ADAMTS2: variants seen among roughly 807,000 people sequenced by gnomAD.
ADAMTS2 encodes ADAM metallopeptidase with thrombospondin type 1 motif 2, also known as A disintegrin and metalloproteinase with thrombospondin motifs 2.
A neutral mutation model predicts 123.0 loss-of-function variants in ADAMTS2; 50 were observed. The ratio of observed to expected loss-of-function variants is 0.41; its 90% confidence interval spans 0.32 to 0.51. ADAMTS2 has a LOEUF of 0.51. ADAMTS2 is among the 20% of genes least tolerant of loss of function. ADAMTS2 has a pLI of 0.35. For synonymous variants in ADAMTS2, 678 were observed against 695.4 expected, an observed-to-expected ratio of 0.98 and a Z score of 0.39; for missense variants, 1,494 against 1,705.2, an observed-to-expected ratio of 0.88 and a Z score of 2.18.
chr5:179,139,119 C>A (rs923109674), intron 11 of ADAMTS2, among the ~76,000 whole-genome samples: 3 of 152,160 alleles, frequency 2.0e-5, no homozygotes, highest in African/African-American at 7.2e-5. Context: ...GGCGTAAGAG[C>A]CCGCTGCGCA....
chr5:179,212,981 AGG>A (rs1483467137), intron 3 of ADAMTS2, among the ~76,000 whole-genome samples: 2 of 152,122 alleles, frequency 1.3e-5, no homozygotes, highest in Non-Finnish European at 2.9e-5. Context: ...CCCAGAAGGA[AGG>A]GAGCCCGCTG....
chr5:179,200,032 C>A (rs1037535071), intron 4 of ADAMTS2, among the ~76,000 whole-genome samples: 1 of 152,120 alleles, frequency 6.6e-6, no homozygotes, highest in Admixed American at 6.5e-5. Flanking sequence ...TTGTATGGCA[C>A]CTTCCTCTGC....
chr5:179,167,958 A>T (rs116143375), intron 5 of ADAMTS2, among the ~76,000 whole-genome samples: 1 of 152,280 alleles, frequency 6.6e-6, no homozygotes, highest in South Asian at 2.1e-4. Context: ...CATGCCCCCA[A>T]GGGGATGCGG....
intron 4 of ADAMTS2, among the ~76,000 whole-genome samples, chr5:179,182,360 C>T (rs770412215): frequency 2.8e-4 from 43 of 152,176 alleles, no homozygotes; most frequent in Non-Finnish European, 3.8e-4. Flanking sequence ...CGGACATGGC[C>T]AAGACATACT....
intron 2 of ADAMTS2, among the ~76,000 whole-genome samples, chr5:179,319,138 T>A (rs1015460419): frequency 1.3e-5 from 2 of 151,972 alleles, no homozygotes; most frequent in Admixed American, 1.3e-4. Context: ...TCCATACGCA[T>A]CACATGCACC....
At chr5:179,297,523 C>T (rs1352921044) in intron 2 of ADAMTS2, among the ~76,000 whole-genome samples, 4 of 152,114 alleles carry the variant, frequency 2.6e-5, no homozygotes, top group Admixed American at 2.0e-4. Flanking sequence ...ACAGCCTGCC[C>T]CTTTCTCTTG....
At chr5:179,335,590 C>T (rs1416245609) in intron 2 of ADAMTS2, among the ~76,000 whole-genome samples, 1 of 152,166 alleles carries the variant, frequency 6.6e-6, no homozygotes, top group Non-Finnish European at 1.5e-5. Flanking sequence ...TACTGCTTAA[C>T]CTGAGGTTTC....
rs545409845 is a variant in ADAMTS2, at chr5:179,114,106, G to A, written c.3397C>T (p.Arg1133Trp). Residue 1133 changes from arginine to tryptophan, a missense_variant, in exon 22 of 22, where the codon CGG becomes TGG. Physicochemically the swap from Arg to Trp is moderately radical, Grantham distance 101 (BLOSUM62 -3). Coordinates refer to ENST00000251582, the MANE Select transcript of ADAMTS2 (RefSeq NM_014244.5). The stretch of plus-strand genomic sequence containing the variant: ...TCCAGGGGGGTGCTTGGTGATGGCC[G>A]CACCTCCATGGCTACAGTGGGCACT... ...LPVPTVAMEV[R>W]PSPSTPLEVP... 43 of 1,614,034 alleles carry A rather than the reference G, an allele frequency of 2.7e-5. No individual in the cohort carries two copies. Among genetic ancestry groups the A allele is most frequent in the South Asian group, 1.2e-4 (11 of 91,074 alleles).
chr5:179,247,739 GA>G (rs899009583), intron 3 of ADAMTS2, among the ~76,000 whole-genome samples: 2 of 152,034 alleles, frequency 1.3e-5, no homozygotes, highest in Non-Finnish European at 2.9e-5. Flanking sequence ...TTAAGGTGCT[GA>G]AAAAAATACT....
At chr5:179,207,471 A>ACCCGGCCCCCCC in intron 4 of ADAMTS2, 42 bp downstream of exon 4, 1 of 1,026,470 alleles carries the variant, frequency 9.7e-7, no homozygotes. Flanking sequence ...CCCCTGGTTG[A>ACCCGGCCCCCCC]CCCTCCCCGC....
At chr5:179,269,673 T>G (rs1766476546) in intron 3 of ADAMTS2, among the ~76,000 whole-genome samples, 1 of 152,104 alleles carries the variant, frequency 6.6e-6, no homozygotes, top group African/African-American at 2.4e-5. Flanking sequence ...TCCTATTGTT[T>G]CAAGCTCCGT....
chr5:179,151,095 C>A, intron 10 of ADAMTS2: 1 of 359,622 alleles, frequency 2.8e-6, no homozygotes, highest in African/African-American at 2.1e-5. Flanking sequence ...CGGGATTTTG[C>A]CATGTTAACC....
chr5:179,129,975 G>C lies in ADAMTS2; in HGVS notation c.2414C>G (p.Thr805Arg), dbSNP rs370350117. The C allele has an allele frequency of 1.2e-6, 2 of 1,614,048 alleles. No individual in the cohort carries two copies. Among genetic ancestry groups the C allele is most frequent in the East Asian group, 4.5e-5 (2 of 44,874 alleles). ...WEYRDEDGRE[T>R]LQTMGPLHGT... ...GTGGAGGGGGCCCATGGTCTGCAGCGTCTCCCGGCCGTCCTCGTCTCTGTA... is the reference window on the plus strand; with the variant it reads ...GTGGAGGGGGCCCATGGTCTGCAGCCTCTCCCGGCCGTCCTCGTCTCTGTA... The change falls in exon 16 of 22, where the codon ACG becomes AGG. Residue 805 changes from threonine (T) to arginine (R), a missense_variant. Thr to Arg is a moderately conservative substitution (Grantham distance 71, BLOSUM62 -1). Transcript: ENST00000251582. This position sits in a 1 kb window ranked among gnomAD's most constrained non-coding sequence, Gnocchi z 4.1.
chr5:179,185,522 C>T lies in ADAMTS2; in HGVS notation c.892-4367G>A, dbSNP rs962659656. ...ACTCTCCTAGCCCTACCCCTGGGGC[C>T]GAAGGTGGCAGCTCTCATCTCAAGA... On this transcript the variant is annotated intron_variant, in intron 4 of 21. Coordinates refer to ENST00000251582, the MANE Select transcript of ADAMTS2 (RefSeq NM_014244.5). The surrounding 1 kb of genome is among the most constrained non-coding windows in gnomAD (Gnocchi z 5.9). Among the ~76,000 whole-genome samples the T allele has an allele frequency of 1.3e-5, 2 of 152,052 alleles. No individual in the cohort carries two copies. The highest frequency in any genetic ancestry group is 2.4e-5 in the African/African-American group (1 of 41,414).
chr5:179,239,235 C>T (rs541726545), intron 3 of ADAMTS2, among the ~76,000 whole-genome samples: 2 of 152,132 alleles, frequency 1.3e-5, no homozygotes, highest in South Asian at 2.1e-4. Context: ...AAGTGACAAC[C>T]GTGGAGATGG....
At chr5:179,340,838 A>G (rs1006154192) in intron 2 of ADAMTS2, among the ~76,000 whole-genome samples, 4 of 152,174 alleles carry the variant, frequency 2.6e-5, no homozygotes, top group African/African-American at 9.7e-5. Flanking sequence ...TGGGTTTTTA[A>G]TGGGCATGTA....
At position 179,345,325 on chromosome 5, in the gene ADAMTS2, C is replaced by A; in HGVS notation, c.4G>T (p.Asp2Tyr). 8.8e-7 allele frequency: 1 copy of A among 1,134,132 alleles called. No homozygotes were observed. The highest frequency in any genetic ancestry group is 1.1e-6 in the Non-Finnish European group (1 of 925,854). The allele number at this position is 1,134,132 out of a possible 1,614,324, so 70.3% of individuals were successfully genotyped here. Residue 2 changes from aspartate to tyrosine, a missense_variant, in exon 1 of 22, where the codon GAT (aspartate) becomes TAT (tyrosine). This residue lies in a region of ADAMTS2 where 237 missense variants were observed against 233.7 expected (regional missense o/e 1.01). Coordinates refer to ENST00000251582, the MANE Select transcript of ADAMTS2 (RefSeq NM_014244.5). The surrounding 1 kb of genome is among the most constrained non-coding windows in gnomAD (Gnocchi z 7.5). ...CGGCGAGCGGCTCCCGCCGGCGGAT[C>A]CATGGCAGCCGGACTGCAGCCGGGG... M[D>Y]PPAGAARRLL...
rs1453617741 is a variant in ADAMTS2, at chr5:179,153,916, C to T, written c.1382+133G>A. On this transcript the variant is annotated intron_variant, in intron 8 of 21. Coordinates refer to ENST00000251582, the MANE Select transcript of ADAMTS2 (RefSeq NM_014244.5). ...GGCTTCTCTCACAGGTGTGCCCTCT[C>T]TCCTCCCCCGCACACAAGCTTAGAG... 4 of 1,296,326 alleles carry T rather than the reference C, an allele frequency of 3.1e-6. No homozygotes were observed. The African/African-American group carries it at 5.9e-5, about 19-fold the overall frequency. The allele number at this position is 1,296,326 out of a possible 1,614,324, so 80.3% of individuals were successfully genotyped here.
At chr5:179,207,079 C>T (rs901700188) in intron 4 of ADAMTS2, among the ~76,000 whole-genome samples, 2 of 152,170 alleles carry the variant, frequency 1.3e-5, no homozygotes, top group South Asian at 2.1e-4. Context: ...GCAGGGCTAT[C>T]CAGCTGGGGC....
Sources: allele counts gnomAD v4.1 joint callset (sites outside exome capture counted in the v4.1 genomes callset), GRCh38; gene constraint gnomAD v4.1.1; regional missense constraint gnomAD v4.1.1; non-coding constraint Gnocchi (gnomAD v3.1); transcripts MANE v1.5; gene names NCBI Gene and HGNC (gene_info 2026-07-23, HGNC 2026-07-21).